SCN3A: variants seen among roughly 807,000 people sequenced by gnomAD.
The protein encoded by SCN3A is sodium voltage-gated channel alpha subunit 3, also known as sodium channel protein type 3 subunit alpha.
Under a neutral mutation model 187.6 loss-of-function variants are expected in SCN3A, and 60 were observed. That is an observed-to-expected ratio of 0.32 (90% CI 0.26 to 0.40). The LOEUF is 0.40. SCN3A is among the 10% of genes least tolerant of loss of function. The probability of loss-of-function intolerance (pLI) is 1.00; values close to 1 mark genes in which losing one functional copy is unlikely to be tolerated. For missense variants in SCN3A, 1,601 were observed against 2,428.2 expected, an observed-to-expected ratio of 0.66 and a Z score of 7.16; for synonymous variants, 788 against 829.2, an observed-to-expected ratio of 0.95 and a Z score of 0.85.
intron 5 of SCN3A, among the ~76,000 whole-genome samples, chr2:165,166,153 G>A (rs536825180): frequency 9.9e-5 from 15 of 152,250 alleles, no homozygotes; most frequent in African/African-American, 3.6e-4. Context: ...AGAGTTACTA[G>A]GAATAAGATT....
At chr2:165,106,012 A>G (rs1401047732) in intron 21 of SCN3A, among the ~76,000 whole-genome samples, 1 of 152,146 alleles carries the variant, frequency 6.6e-6, no homozygotes, top group African/African-American at 2.4e-5. Flanking sequence ...AAAATTCACA[A>G]TGCTCACATG....
chr2:165,112,763 T>C, intron 21 of SCN3A, 122 bp downstream of exon 21: 1 of 870,400 alleles, frequency 1.1e-6, no homozygotes, highest in Non-Finnish European at 1.8e-6. Flanking sequence ...TATGTTACAG[T>C]TTTGTTTAAA....
chr2:165,177,268 C>T (rs1372799373), intron 2 of SCN3A, among the ~76,000 whole-genome samples: 2 of 152,156 alleles, frequency 1.3e-5, no homozygotes, highest in African/African-American at 4.8e-5. Flanking sequence ...AGCATGGACT[C>T]AGGTGCTACA....
intron 9 of SCN3A, among the ~76,000 whole-genome samples, chr2:165,160,384 C>T (rs1689289389): frequency 6.6e-6 from 1 of 152,100 alleles, no homozygotes; most frequent in South Asian, 2.1e-4. Context: ...CACCCTTGGT[C>T]GGTGGAAAAA....
chr2:165,156,512 C>CAAAAAAAAAAAA (rs558407270), intron 9 of SCN3A, among the ~76,000 whole-genome samples: 11 of 63,706 alleles, frequency 1.7e-4, no homozygotes, highest in East Asian at 5.6e-4. Flanking sequence ...GACTCTGACT[C>CAAAAAAAAAAAA]AAAAAAAAAA....
intron 21 of SCN3A, among the ~76,000 whole-genome samples, chr2:165,108,271 G>A (rs1211579471): frequency 6.6e-6 from 1 of 151,960 alleles, no homozygotes; most frequent in Non-Finnish European, 1.5e-5. Context: ...TTGCCAATAT[G>A]TCAATAATAA....
At chr2:165,163,981 G>T in intron 6 of SCN3A, 1 of 1,228,292 alleles carries the variant, frequency 8.1e-7, no homozygotes. Context: ...ATAGAGCCCT[G>T]TGAGTTTAAC....
rs926132763 is a variant in SCN3A, at chr2:165,115,236, A to T, written c.3514+219T>A. Among the ~76,000 whole-genome samples, 71 of 145,674 alleles carry T rather than the reference A, an allele frequency of 4.9e-4. No individual in the cohort carries two copies. In the South Asian group the frequency reaches 0.011, roughly 23 times the overall value. On this transcript the variant is annotated intron_variant, in intron 19 of 27. Transcript: ENST00000283254. The stretch of plus-strand genomic sequence containing the variant: ...GAGCTAATTTATTTTTTCTTTCTTT[A>T]TTTTTTTTTTTGTAGAGGCAAAGCC...
At position 165,156,512 on chromosome 2, in the gene SCN3A, C is replaced by CAAAAAAA. The variant is rs558407270; in HGVS notation, c.1032-616_1032-610dup. Among the ~76,000 whole-genome samples the CAAAAAAA allele has an allele frequency of 8.6e-4, 55 of 63,692 alleles. 2 individuals carry two copies. The highest frequency in any genetic ancestry group is 9.3e-4 in the Non-Finnish European group (32 of 34,282). The allele number at this position is 63,692 out of a possible 152,430, so 41.8% of individuals were successfully genotyped here. The stretch of plus-strand genomic sequence containing the variant: ...TGGGTGACAGAGCGAGACTCTGACT[C>CAAAAAAA]AAAAAAAAAAAAAAAAAAAAAAAAA... On this transcript the variant is annotated intron_variant, in intron 9 of 27. Transcript: ENST00000283254.
In SCN3A at chr2:165,090,684, A is replaced by T. The variant is rs368608408; in HGVS notation, c.5469T>A (p.Pro1823=). 7.3e-4 allele frequency: 1,176 copies of T among 1,613,978 alleles called. 1 individual carries two copies. The highest frequency in any genetic ancestry group is 9.3e-4 in the Non-Finnish European group (1,102 of 1,180,020). ...CTTTGTTGGGTTTTGCTATGAGAAG[A>T]GGAGGATCCAGGGCAGCTGCAAAAT... ...LSDFAAALDP[P]LLIAKPNKVQ... is the part of the protein sequence containing the mutation. The change falls in exon 28 of 28, where the codon CCT becomes CCA. Residue 1823 remains proline, a synonymous_variant. Transcript: ENST00000283254. This position sits in a 1 kb window ranked among gnomAD's most constrained non-coding sequence, Gnocchi z 4.0.
intron 15 of SCN3A, among the ~76,000 whole-genome samples, chr2:165,137,288 A>G (rs1687721290): frequency 6.6e-6 from 1 of 152,154 alleles, no homozygotes; most frequent in African/African-American, 2.4e-5. Context: ...CTCTTGATTA[A>G]TAATATATGT....
Position 165,109,257 on chromosome 2 carries a change from G to A in SCN3A, c.3843+3628C>T, listed in dbSNP as rs1261682057. Among the ~76,000 whole-genome samples the A allele has an allele frequency of 6.6e-5, 10 of 152,144 alleles. No individual in the cohort carries two copies. In the East Asian group the frequency reaches 1.4e-3, roughly 21 times the overall value. On this transcript the variant is annotated intron_variant, in intron 21 of 27. Coordinates refer to ENST00000283254, the MANE Select transcript of SCN3A (RefSeq NM_006922.4). Reference sequence around the variant, plus strand: ...TTCTGGGTTGCCTTGTTTATTTGCAGTCTCTGCCTAGGTGAGCTAAAACAG... The same window carrying A: ...TTCTGGGTTGCCTTGTTTATTTGCAATCTCTGCCTAGGTGAGCTAAAACAG...
chr2:165,126,820 T>C (rs1687021842), intron 18 of SCN3A, among the ~76,000 whole-genome samples: 1 of 152,184 alleles, frequency 6.6e-6, no homozygotes, highest in Non-Finnish European at 1.5e-5. Context: ...CTGCTCATCC[T>C]TGACTGGGCA....
At chr2:165,101,496 T>C (rs1386760670) in intron 21 of SCN3A, among the ~76,000 whole-genome samples, 1 of 152,152 alleles carries the variant, frequency 6.6e-6, no homozygotes, top group African/African-American at 2.4e-5. Context: ...ATTGGCGATT[T>C]GAACCCAAAT....
At position 165,146,378 on chromosome 2, in the gene SCN3A, ATATATGTG is replaced by A. The variant is rs59793085; in HGVS notation, c.1671+353_1671+360del. 6.4e-3 allele frequency among the ~76,000 whole-genome samples: 874 copies of A among 137,454 alleles called. 6 individuals are homozygous for A. Among genetic ancestry groups the A allele is most frequent in the African/African-American group, 0.026 (841 of 32,748 alleles). 90.2% of individuals were successfully genotyped at this position (137,454 alleles called of 152,430 possible). On this transcript the variant is annotated intron_variant, in intron 12 of 27. Coordinates refer to ENST00000283254, the MANE Select transcript of SCN3A (RefSeq NM_006922.4). ...GTCTGCTAGTGTAGGTTATATATATATATATGTGTGTGTGTGTGTGTGTGTGTGTGTGT... is the reference window on the plus strand; with the variant it reads ...GTCTGCTAGTGTAGGTTATATATATATGTGTGTGTGTGTGTGTGTGTGTGT...
At chr2:165,180,501 A>T (rs1690776329) in intron 2 of SCN3A, among the ~76,000 whole-genome samples, 1 of 151,052 alleles carries the variant, frequency 6.6e-6, no homozygotes, top group South Asian at 2.1e-4. Context: ...TTGGAATTTG[A>T]TTGGGGTCTT....
intron 18 of SCN3A, among the ~76,000 whole-genome samples, chr2:165,120,093 C>T (rs1448542283): frequency 3.3e-5 from 5 of 152,014 alleles, no homozygotes; most frequent in Admixed American, 1.3e-4. Context: ...CGCTGAAAAG[C>T]AGGTTTTAAG....
At chr2:165,169,903 TAGTA>T (rs1176555334) in intron 4 of SCN3A, among the ~76,000 whole-genome samples, 1 of 151,512 alleles carries the variant, frequency 6.6e-6, no homozygotes, top group African/African-American at 2.4e-5. Flanking sequence ...CATGAGCACA[TAGTA>T]AGAGTCTGAT....
chr2:165,139,738 AATT>A, intron 13 of SCN3A, 130 bp from the exon 14 acceptor site: 1 of 1,139,152 alleles, frequency 8.8e-7, no homozygotes, highest in South Asian at 1.3e-5. Context: ...TAAAATATTG[AATT>A]ATTGCTAAGT....
Sources: gnomAD v4.1 joint callset for allele counts (sites outside exome capture counted in the v4.1 genomes callset) on GRCh38, gnomAD v4.1.1 for gene constraint, Gnocchi (gnomAD v3.1) non-coding constraint, MANE v1.5 for transcripts, NCBI Gene and HGNC (gene_info 2026-07-23, HGNC 2026-07-21) for gene names.